NDST3: variants seen among roughly 807,000 people sequenced by gnomAD.
The protein encoded by NDST3 is bifunctional heparan sulfate N-deacetylase/N-sulfotransferase 3.
In NDST3, 58 loss-of-function variants were observed where a neutral mutation model predicts 96.1. The observed-to-expected ratio is 0.60, with a 90% confidence interval of 0.49 to 0.75. The LOEUF (loss-of-function observed/expected upper bound fraction) is 0.75, where lower values mean the gene tolerates loss of function less well. NDST3 is among the 30% of genes least tolerant of loss of function. The pLI is 0.00. For synonymous variants in NDST3, 333 were observed against 359.7 expected (o/e 0.93, Z 0.84); for missense variants, 788 against 1,034.2 (o/e 0.76, Z 3.27).
upstream of NDST3, chr4:118,033,503 G>A (rs1250517003): frequency 1.3e-5 from 2 of 151,912 alleles, no homozygotes; most frequent in East Asian, 2.0e-4. Context: ...GTCCGGGCGG[G>A]AGCCCGGTCG....
At chr4:118,163,657 T>A (rs1027014355) in intron 6 of NDST3, among the ~76,000 whole-genome samples, 1 of 151,928 alleles carries the variant, frequency 6.6e-6, no homozygotes, top group African/African-American at 2.4e-5. Flanking sequence ...TGCTAAATGA[T>A]GAGTTAATGG....
chr4:118,164,531 T>C (rs1735415396), intron 6 of NDST3, among the ~76,000 whole-genome samples: 1 of 152,044 alleles, frequency 6.6e-6, no homozygotes, highest in Non-Finnish European at 1.5e-5. Context: ...TATAAGCAAA[T>C]ACTGAGGGAG....
intron 6 of NDST3, among the ~76,000 whole-genome samples, chr4:118,192,409 G>A (rs1213955926): frequency 6.6e-6 from 1 of 152,212 alleles, no homozygotes; most frequent in Admixed American, 6.5e-5. Context: ...TAGTTTCACA[G>A]TTTGAGGTCT....
At chr4:118,079,961 G>C (rs1483991266) in intron 2 of NDST3, among the ~76,000 whole-genome samples, 1 of 152,018 alleles carries the variant, frequency 6.6e-6, no homozygotes, top group Non-Finnish European at 1.5e-5. Context: ...ACAGCAGTGT[G>C]TTCCTCCAGT....
intron 6 of NDST3, among the ~76,000 whole-genome samples, chr4:118,165,019 T>C (rs1157849181): frequency 6.6e-6 from 1 of 152,090 alleles, no homozygotes; most frequent in Non-Finnish European, 1.5e-5. Flanking sequence ...GAAGAAAAGA[T>C]GGACAGAAAA....
chr4:118,241,246 A>G (rs371750917), intron 11 of NDST3, among the ~76,000 whole-genome samples: 2 of 152,306 alleles, frequency 1.3e-5, no homozygotes, highest in African/African-American at 4.8e-5. Context: ...TGGCTATTTT[A>G]ATTTATATTA....
intron 11 of NDST3, among the ~76,000 whole-genome samples, chr4:118,241,255 TA>T (rs1404078151): frequency 6.6e-6 from 1 of 152,078 alleles, no homozygotes; most frequent in Non-Finnish European, 1.5e-5. Context: ...TAATTTATAT[TA>T]AAATCAAATA....
rs562386976 is a variant in NDST3, at chr4:118,074,515, T to A, written c.981+19624T>A. On this transcript the variant is annotated intron_variant, in intron 2 of 13. Coordinates refer to ENST00000296499, the MANE Select transcript of NDST3 (RefSeq NM_004784.3). ...ATGTAATGCCCTTCTTTGTCATTTT[T>A]GATCATTGTTGGTTTAAAGGCTGTT... Among the ~76,000 whole-genome samples, 3 of 152,324 alleles carry A rather than the reference T, an allele frequency of 2.0e-5. No individual in the cohort carries two copies. The South Asian group carries it at 6.2e-4, about 32-fold the overall frequency.
intron 2 of NDST3, among the ~76,000 whole-genome samples, chr4:118,059,650 C>G (rs1725735897): frequency 2.0e-5 from 1 of 49,132 alleles, no homozygotes; most frequent in Non-Finnish European, 6.2e-5. Flanking sequence ...ACCACCCCAG[C>G]TAAGGGAAGC....
chr4:118,215,360 G>C (rs1052301168), intron 6 of NDST3, among the ~76,000 whole-genome samples: 1 of 152,074 alleles, frequency 6.6e-6, no homozygotes, highest in African/African-American at 2.4e-5. Flanking sequence ...GGAGTAGATT[G>C]GTTAACCCAA....
At chr4:118,170,502 G>A (rs1037717021) in intron 6 of NDST3, among the ~76,000 whole-genome samples, 3 of 152,110 alleles carry the variant, frequency 2.0e-5, no homozygotes, top group East Asian at 3.9e-4. Context: ...GACAGAGGTC[G>A]GCAGATCACG....
At position 118,121,286 on chromosome 4, in the gene NDST3, T is replaced by C. The variant is rs190935290; in HGVS notation, c.1224+6326T>C. 8.0e-4 allele frequency among the ~76,000 whole-genome samples: 122 copies of C among 152,330 alleles called. 1 individual carries two copies. Among genetic ancestry groups the C allele is most frequent in the African/African-American group, 2.9e-3 (119 of 41,584 alleles). On this transcript the variant is annotated intron_variant, in intron 4 of 13. Transcript: ENST00000296499. ...ATACATATCCTTTAGCTGTGTTCCC[T>C]TGGTATATTTCTAGCAATTGTTTCA...
intron 12 of NDST3, among the ~76,000 whole-genome samples, chr4:118,251,209 C>T (rs1444623517): frequency 6.8e-6 from 1 of 146,556 alleles, no homozygotes; most frequent in African/African-American, 2.5e-5. Context: ...TCACTGCAAG[C>T]TCCGCCTCCC....
At chr4:118,238,716 A>G (rs1740839466) in intron 10 of NDST3, among the ~76,000 whole-genome samples, 1 of 152,230 alleles carries the variant, frequency 6.6e-6, no homozygotes, top group Non-Finnish European at 1.5e-5. Context: ...CTTTCAGCCT[A>G]ATTGGAGAAA....
intron 9 of NDST3, among the ~76,000 whole-genome samples, chr4:118,234,857 C>A (rs1321523689): frequency 6.6e-6 from 1 of 151,822 alleles, no homozygotes; most frequent in Non-Finnish European, 1.5e-5. Flanking sequence ...TGGCAAAACC[C>A]CGTCTCTACT....
In NDST3 at chr4:118,063,021, T is replaced by C. The variant is rs146588333; in HGVS notation, c.981+8130T>C. Among the ~76,000 whole-genome samples, 1,156 of 151,876 alleles carry C rather than the reference T, an allele frequency of 7.6e-3. 68 individuals are homozygous for C. In the East Asian group the frequency reaches 0.13, roughly 17 times the overall value. On this transcript the variant is annotated intron_variant, in intron 2 of 13. Coordinates refer to ENST00000296499, the MANE Select transcript of NDST3 (RefSeq NM_004784.3). Reference sequence around the variant, plus strand: ...GCTTGACCAACATGGAGAAACCCCATCTCTACTAAAAATACAAAATTAGCC... The same window carrying C: ...GCTTGACCAACATGGAGAAACCCCACCTCTACTAAAAATACAAAATTAGCC...
intron 4 of NDST3, among the ~76,000 whole-genome samples, chr4:118,136,101 T>C (rs576608371): frequency 6.6e-6 from 1 of 152,302 alleles, no homozygotes. Flanking sequence ...CAGCATAATT[T>C]CTTACAAATT....
rs539740081 is a variant in NDST3 at position 118,205,188 on chromosome 4, T to A, written c.1540-19303T>A. 6.2e-5 allele frequency among the ~76,000 whole-genome samples: 9 copies of A among 144,312 alleles called. 1 individual carries two copies. The South Asian group carries it at 2.1e-3, about 34-fold the overall frequency. The allele number at this position is 144,312 out of a possible 152,430, so 94.7% of individuals were successfully genotyped here. A position where few individuals can be genotyped will look rare whatever the true frequency, so the allele number is the denominator to read the frequency against. Reference sequence around the variant, plus strand: ...TTTATAGTGACAGTAAATTCATTTGTGAATGGGGAAGATTTTCATTTATGC... The same window carrying A: ...TTTATAGTGACAGTAAATTCATTTGAGAATGGGGAAGATTTTCATTTATGC... On this transcript the variant is annotated intron_variant, in intron 6 of 13. Transcript: ENST00000296499.
chr4:118,193,599 C>T (rs1425225290), intron 6 of NDST3: 4 of 1,199,224 alleles, frequency 3.3e-6, no homozygotes, highest in East Asian at 2.3e-5. Context: ...TGCTGGCACA[C>T]AGCCAGCTGG....
Sources: allele counts gnomAD v4.1 joint callset (sites outside exome capture counted in the v4.1 genomes callset), GRCh38; gene constraint gnomAD v4.1.1; transcripts MANE v1.5; gene names NCBI Gene and HGNC (gene_info 2026-07-23, HGNC 2026-07-21).